The following DENND5A variants were observed in gnomAD, a reference collection of about 807,000 sequenced individuals.
DENND5A encodes the protein DENN domain containing 5A, also known as DENN domain-containing protein 5A.
Under a neutral mutation model 140.3 loss-of-function variants are expected in DENND5A, and 64 were observed. The observed-to-expected ratio is 0.46, with a 90% CI of 0.37 to 0.56. The LOEUF is 0.56. Among genes scored for constraint, DENND5A ranks in the 20% least tolerant of loss-of-function variants. The pLI, the probability that DENND5A is intolerant of heterozygous loss-of-function variation, is 0.00. For missense variants in DENND5A, 1,292 were observed against 1,593.8 expected, an observed-to-expected ratio of 0.81 and a Z score of 3.22; for synonymous variants, 605 against 607.7, an observed-to-expected ratio of 1.00 and a Z score of 0.07.
In DENND5A at chr11:9,142,828, C is replaced by T. The variant is rs1847290999; in HGVS notation, c.3405G>A (p.Leu1135=). The change falls in exon 21 of 23, where the codon CTG becomes CTA. Residue 1135 remains leucine (L), a synonymous_variant. Coordinates refer to ENST00000328194, the MANE Select transcript of DENND5A (RefSeq NM_015213.4). The part of the protein sequence containing the change: ...KPEKERGSLT[L]LLCGECGLVS... ...CAAGGCCACACTCTCCACAGAGCAA[C>T]AGCGTCAGACTGCCTCGCTACGTAA... 9.3e-6 allele frequency: 15 copies of T among 1,614,184 alleles called. No homozygotes were observed. Among genetic ancestry groups the T allele is most frequent in the Non-Finnish European group, 1.3e-5 (15 of 1,180,014 alleles).
chr11:9,145,216 C>T, intron 17 of DENND5A, 103 bp from the exon 18 acceptor site: 1 of 812,170 alleles, frequency 1.2e-6, no homozygotes, highest in Non-Finnish European at 2.1e-6. Context: ...CCTGACCCCT[C>T]AGCATCTGCA....
At chr11:9,152,125 A>T (rs921632662) in intron 13 of DENND5A, among the ~76,000 whole-genome samples, 1 of 152,242 alleles carries the variant, frequency 6.6e-6, no homozygotes, top group Non-Finnish European at 1.5e-5. Context: ...TCTTGCCCAA[A>T]TAAATTTTCT....
At chr11:9,259,585 A>C (rs1852102545) in intron 1 of DENND5A, among the ~76,000 whole-genome samples, 1 of 151,742 alleles carries the variant, frequency 6.6e-6, no homozygotes, top group South Asian at 2.1e-4. Flanking sequence ...CAAACAAACA[A>C]ACAACAAAAA....
chr11:9,156,584 G>A (rs562324608), intron 12 of DENND5A, among the ~76,000 whole-genome samples: 31 of 149,176 alleles, frequency 2.1e-4, no homozygotes, highest in African/African-American at 7.2e-4. Context: ...CCAAGATCGC[G>A]CCATTGCACT....
chr11:9,166,534 T>G (rs1412657642), intron 10 of DENND5A, among the ~76,000 whole-genome samples: 2 of 152,270 alleles, frequency 1.3e-5, no homozygotes, highest in Admixed American at 6.5e-5. Flanking sequence ...TACCTTTGAT[T>G]TAAAGATACA....
chr11:9,183,410 A>G (rs1445528716), intron 5 of DENND5A, among the ~76,000 whole-genome samples: 1 of 151,738 alleles, frequency 6.6e-6, no homozygotes, highest in Admixed American at 6.6e-5. Flanking sequence ...AAATTTTTAC[A>G]TATTTTTAAA....
chr11:9,253,861 G>A (rs1251935808), intron 1 of DENND5A, among the ~76,000 whole-genome samples: 1 of 150,004 alleles, frequency 6.7e-6, no homozygotes, highest in African/African-American at 2.5e-5. Flanking sequence ...GTGAGACCCT[G>A]TCTCAAAAAA....
At chr11:9,242,221 T>C (rs1851267464) in intron 1 of DENND5A, among the ~76,000 whole-genome samples, 2 of 152,090 alleles carry the variant, frequency 1.3e-5, no homozygotes, top group African/African-American at 4.8e-5. Context: ...TGATGTGTCT[T>C]AAGAACCTAA....
At chr11:9,230,533 C>T (rs935671254) in intron 1 of DENND5A, among the ~76,000 whole-genome samples, 9 of 152,044 alleles carry the variant, frequency 5.9e-5, no homozygotes, top group Non-Finnish European at 1.2e-4. Context: ...GAGCCACACC[C>T]AGCCTCTTAT....
At chr11:9,258,089 G>A (rs1039858441) in intron 1 of DENND5A, among the ~76,000 whole-genome samples, 8 of 151,944 alleles carry the variant, frequency 5.3e-5, no homozygotes, top group South Asian at 2.1e-4. Context: ...CACCGTACCC[G>A]GTCTACACAC....
Position 9,178,152 on chromosome 11 carries a change from C to T in DENND5A, c.1886G>A (p.Cys629Tyr). Reference protein sequence around the residue: ...PTLRTSMYQKCTTVDEAEKAI... With the variant: ...PTLRTSMYQKYTTVDEAEKAI... ...CTTACCTGCTTCATCCACAGTGGTA[C>T]ACTTCTGGTACATGGATGTACGGAG... is the stretch of plus-strand genomic sequence containing the variant. Residue 629 changes from cysteine (C) to tyrosine (Y), a missense_variant, in exon 8 of 23, where the codon TGT (cysteine) becomes TAT (tyrosine). Cys to Tyr is a radical substitution (Grantham distance 194, BLOSUM62 -2). Around this residue, in one of 4 missense-constraint regions of DENND5A, gnomAD observed 199 missense variants for 189.1 expected, o/e 1.05. Coordinates refer to ENST00000328194, the MANE Select transcript of DENND5A (RefSeq NM_015213.4). 6.2e-7 allele frequency: 1 copy of T among 1,613,754 alleles called. No individual in the cohort carries two copies. Among genetic ancestry groups the T allele is most frequent in the Non-Finnish European group, 8.5e-7 (1 of 1,179,618 alleles).
chr11:9,236,166 T>G (rs1480843918), intron 1 of DENND5A, among the ~76,000 whole-genome samples: 2 of 149,432 alleles, frequency 1.3e-5, no homozygotes, highest in Admixed American at 1.4e-4. Context: ...GAGGCTGCAG[T>G]GAGCCATGTT....
intron 16 of DENND5A, among the ~76,000 whole-genome samples, chr11:9,146,116 A>T (rs1847423180): frequency 6.6e-6 from 1 of 152,024 alleles, no homozygotes; most frequent in South Asian, 2.1e-4. Flanking sequence ...AATATCCCCA[A>T]CTCCTAACAT....
At chr11:9,141,900 G>A in intron 22 of DENND5A, 40 bp downstream of exon 22, 1 of 1,521,612 alleles carries the variant, frequency 6.6e-7, no homozygotes, top group Non-Finnish European at 8.8e-7. Context: ...CCACCACCAA[G>A]GCTAACCGCT....
At chr11:9,245,893 CA>C (rs1851451644) in intron 1 of DENND5A, among the ~76,000 whole-genome samples, 1 of 152,288 alleles carries the variant, frequency 6.6e-6, no homozygotes, top group East Asian at 1.9e-4. Context: ...CTCAGCCTCA[CA>C]AAGTGCTGGG....
chr11:9,192,757 T>C (rs1849180684), intron 5 of DENND5A, among the ~76,000 whole-genome samples: 1 of 152,158 alleles, frequency 6.6e-6, no homozygotes, highest in East Asian at 1.9e-4. Context: ...GCCTTTCTAA[T>C]GACTAAGAAA....
chr11:9,236,745 G>A (rs55928781), intron 1 of DENND5A, among the ~76,000 whole-genome samples: 5 of 96,152 alleles, frequency 5.2e-5, no homozygotes, highest in South Asian at 3.8e-4. Flanking sequence ...AAGATGAAAA[G>A]GAAGAGAGAG....
chr11:9,200,619 G>A (rs762408110), intron 4 of DENND5A, among the ~76,000 whole-genome samples: 1 of 152,164 alleles, frequency 6.6e-6, no homozygotes, highest in African/African-American at 2.4e-5. Context: ...GCTAATTAGC[G>A]GCTATCCACT....
At chr11:9,204,684 G>A (rs1260699876) in intron 3 of DENND5A, among the ~76,000 whole-genome samples, 3 of 152,144 alleles carry the variant, frequency 2.0e-5, no homozygotes, top group Admixed American at 6.5e-5. Context: ...GCAACATGGC[G>A]AAACCCTGTC....
Sources: gnomAD v4.1 joint callset for allele counts (sites outside exome capture counted in the v4.1 genomes callset) on GRCh38, gnomAD v4.1.1 for gene constraint, gnomAD v4.1.1 regional missense constraint, MANE v1.5 for transcripts, NCBI Gene and HGNC (gene_info 2026-07-23, HGNC 2026-07-21) for gene names.